ZC3H6: variants seen among roughly 807,000 people sequenced by gnomAD.
The protein encoded by ZC3H6 is zinc finger CCCH-type containing 6.
In ZC3H6, 40 loss-of-function variants were observed where a neutral mutation model predicts 107.7. That is an observed-to-expected ratio of 0.37 (90% CI 0.29 to 0.48). The LOEUF (loss-of-function observed/expected upper bound fraction) is 0.48, where lower values mean the gene tolerates loss of function less well. Among genes scored for constraint, ZC3H6 ranks in the 20% least tolerant of loss-of-function variants. The pLI is 0.98. For missense variants in ZC3H6, 1,267 were observed against 1,410.4 expected, an observed-to-expected ratio of 0.90 and a Z score of 1.63; for synonymous variants, 493 against 487.9, an observed-to-expected ratio of 1.01 and a Z score of -0.14.
intron 1 of ZC3H6, among the ~76,000 whole-genome samples, chr2:112,288,619 TTG>T (rs201765985): frequency 5.8e-3 from 890 of 152,194 alleles, no homozygotes; most frequent in African/African-American, 0.021. Context: ...TTCTAGAGCT[TTG>T]TGTTCTTCTA....
At chr2:112,312,511 T>G (rs1676611992) in intron 5 of ZC3H6, among the ~76,000 whole-genome samples, 1 of 152,218 alleles carries the variant, frequency 6.6e-6, no homozygotes, top group Admixed American at 6.5e-5. Context: ...ATTCCTGTGT[T>G]CTACTACTGT....
intron 5 of ZC3H6, among the ~76,000 whole-genome samples, chr2:112,313,941 T>G (rs1012797474): frequency 1.3e-5 from 2 of 152,192 alleles, no homozygotes; most frequent in South Asian, 4.1e-4. Flanking sequence ...TTTTAAAGGC[T>G]TCTTCATTTT....
At chr2:112,322,514 T>G (rs1676822839) in intron 8 of ZC3H6, 135 bp from the exon 9 acceptor site, 1 of 986,830 alleles carries the variant, frequency 1.0e-6, no homozygotes, top group Admixed American at 3.1e-5. Flanking sequence ...GTGTTGAGAT[T>G]AAAGGCGTGA....
chr2:112,331,466 C>G lies in ZC3H6; in HGVS notation c.2548C>G (p.Gln850Glu), dbSNP rs1677030401. 1 of 1,613,794 alleles carries G rather than the reference C, an allele frequency of 6.2e-7. No individual in the cohort carries two copies. ...GGATGCCTCACCTGGCATAATGCTC[C>G]AGGATCCAAGGTCACAATTGAGACA... ...PLDASPGIML[Q>E]DPRSQLRQFS... The change falls in exon 12 of 12, where the codon CAG (glutamine) becomes GAG (glutamate). Residue 850 changes from glutamine to glutamate, a missense_variant. By Grantham distance (29) the Gln-to-Glu change is conservative. Around this residue, in one of 3 missense-constraint regions of ZC3H6, gnomAD observed 925 missense variants for 1,025.7 expected, o/e 0.90. Coordinates refer to ENST00000409871, the MANE Select transcript of ZC3H6 (RefSeq NM_198581.3).
intron 1 of ZC3H6, among the ~76,000 whole-genome samples, chr2:112,288,404 G>A (rs150343734): frequency 1.3e-5 from 2 of 152,326 alleles, no homozygotes; most frequent in Non-Finnish European, 2.9e-5. Flanking sequence ...GGGAAAGGAA[G>A]CTTTCGTTGA....
chr2:112,279,673 A>G (rs2104690187), intron 1 of ZC3H6, among the ~76,000 whole-genome samples: 1 of 152,192 alleles, frequency 6.6e-6, no homozygotes, highest in South Asian at 2.1e-4. Flanking sequence ...AAGAGACTGC[A>G]CTGGAGAACC....
chr2:112,284,576 A>G (rs2104693474), intron 1 of ZC3H6, among the ~76,000 whole-genome samples: 2 of 151,378 alleles, frequency 1.3e-5, no homozygotes, highest in Middle Eastern at 6.8e-3. Flanking sequence ...GCCTGTTGCT[A>G]GATTGTTCCT....
Position 112,276,004 on chromosome 2 carries a change from T to C in ZC3H6, c.10T>C (p.Ser4Pro). 1 of 1,540,886 alleles carries C rather than the reference T, an allele frequency of 6.5e-7. No individual in the cohort carries two copies. The stretch of plus-strand genomic sequence containing the variant: ...CCGTTCTTGACCAAACATGACAGAC[T>C]CTGAACATGCAGGGCACGACAGGTC... MTD[S>P]EHAGHDREDG... Residue 4 changes from serine to proline, a missense_variant, in exon 1 of 12, where the codon TCT becomes CCT. Ser to Pro is a moderately conservative substitution (Grantham distance 74). Transcript: ENST00000409871.
rs1677132567 is a variant in ZC3H6, at chr2:112,336,112, C to T, written c.*3624C>T. 6.6e-6 allele frequency: 1 copy of T among 152,192 alleles called. No homozygotes were observed. The highest frequency in any genetic ancestry group is 2.1e-4 in the South Asian group (1 of 4,834). The allele number at this position is 152,192 out of a possible 1,614,324, so 9.4% of individuals were successfully genotyped here. A position where few individuals can be genotyped will look rare whatever the true frequency, so the allele number is the denominator to read the frequency against. On this transcript the variant is annotated 3_prime_UTR_variant, in exon 12 of 12. Coordinates refer to ENST00000409871, the MANE Select transcript of ZC3H6 (RefSeq NM_198581.3). ...GTCACACTGCGGTCTTCCTGAAAGA[C>T]TACTTACTTCATAAAGGTATTATGT...
chr2:112,292,958 A>G (rs531403052), intron 1 of ZC3H6, among the ~76,000 whole-genome samples: 2 of 152,346 alleles, frequency 1.3e-5, no homozygotes, highest in African/African-American at 4.8e-5. Flanking sequence ...TAACTCCAGT[A>G]TACCTGGAGT....
rs1677164344 is a variant in ZC3H6 at position 112,338,042 on chromosome 2, G to A, written c.*5554G>A. ...TTGGCTCACTGCAACCTCTGCCTCT[G>A]GGTTCAAGCAATTCTCCTGCCTCAG... On this transcript the variant is annotated 3_prime_UTR_variant, in exon 12 of 12. Transcript: ENST00000409871. The A allele has an allele frequency of 6.6e-6, 1 of 152,090 alleles. No homozygotes were observed. The highest frequency in any genetic ancestry group is 2.4e-5 in the African/African-American group (1 of 41,462). The allele number at this position is 152,090 out of a possible 1,614,324, so 9.4% of individuals were successfully genotyped here.
At chr2:112,304,016 A>T (rs960655976) in intron 3 of ZC3H6, among the ~76,000 whole-genome samples, 2 of 152,346 alleles carry the variant, frequency 1.3e-5, no homozygotes, top group Non-Finnish European at 1.5e-5. Flanking sequence ...ATTATTTACA[A>T]TGTTTACATA....
intron 8 of ZC3H6, among the ~76,000 whole-genome samples, chr2:112,322,126 T>G (rs893896306): frequency 2.0e-5 from 3 of 147,150 alleles, no homozygotes; most frequent in African/African-American, 5.0e-5. Context: ...CCTCCTTCCC[T>G]CCTTCCCTCC....
At chr2:112,291,764 G>A (rs550292552) in intron 1 of ZC3H6, among the ~76,000 whole-genome samples, 43 of 152,080 alleles carry the variant, frequency 2.8e-4, no homozygotes, top group Non-Finnish European at 5.1e-4. Flanking sequence ...TGTCGCCCAG[G>A]CCAGACTGCA....
At position 112,337,482 on chromosome 2, in the gene ZC3H6, C is replaced by G. The variant is rs1677152997; in HGVS notation, c.*4994C>G. On this transcript the variant is annotated 3_prime_UTR_variant, in exon 12 of 12. Coordinates refer to ENST00000409871, the MANE Select transcript of ZC3H6 (RefSeq NM_198581.3). Reference sequence around the variant, plus strand: ...GGCTTACAGGCACGTGCCACCACACCCAGCTAATTTATTGTATTTACTAGA... The same window carrying G: ...GGCTTACAGGCACGTGCCACCACACGCAGCTAATTTATTGTATTTACTAGA... The G allele has an allele frequency of 1.3e-5, 2 of 151,934 alleles. No homozygotes were observed. The highest frequency in any genetic ancestry group is 2.4e-5 in the African/African-American group (1 of 41,306). 9.4% of individuals were successfully genotyped at this position (151,934 alleles called of 1,614,324 possible).
Position 112,333,470 on chromosome 2 carries a change from C to T in ZC3H6, c.*982C>T, listed in dbSNP as rs1677077865. On this transcript the variant is annotated 3_prime_UTR_variant, in exon 12 of 12. Coordinates refer to ENST00000409871, the MANE Select transcript of ZC3H6 (RefSeq NM_198581.3). ...TGCTAGTATAGTCAACAGTATTTGGCTATCAATAAAGAATCTCTTTAAGAT... is the reference window on the plus strand; with the variant it reads ...TGCTAGTATAGTCAACAGTATTTGGTTATCAATAAAGAATCTCTTTAAGAT... 6.6e-6 allele frequency: 1 copy of T among 152,356 alleles called. No individual in the cohort carries two copies. Among genetic ancestry groups the T allele is most frequent in the Non-Finnish European group, 1.5e-5 (1 of 67,954 alleles). The allele number at this position is 152,356 out of a possible 1,614,324, so 9.4% of individuals were successfully genotyped here.
intron 2 of ZC3H6, 39 bp downstream of exon 2, chr2:112,300,068 T>G (rs1676339043): frequency 8.0e-7 from 1 of 1,252,012 alleles, no homozygotes; most frequent in Non-Finnish European, 1.0e-6. Context: ...TGATAAATGT[T>G]TATGAAATAT....
chr2:112,337,884 A>G lies in ZC3H6; in HGVS notation c.*5396A>G, dbSNP rs999481763. 6.6e-6 allele frequency: 1 copy of G among 152,152 alleles called. No individual in the cohort carries two copies. The highest frequency in any genetic ancestry group is 2.4e-5 in the African/African-American group (1 of 41,414). The allele number at this position is 152,152 out of a possible 1,614,324, so 9.4% of individuals were successfully genotyped here. ...TGATCCACCAGTCTTGGCCTCTCAA[A>G]GTGCTGGGATCACAGGCATGAGCCA... is the stretch of plus-strand genomic sequence containing the variant. On this transcript the variant is annotated 3_prime_UTR_variant, in exon 12 of 12. Coordinates refer to ENST00000409871, the MANE Select transcript of ZC3H6 (RefSeq NM_198581.3).
intron 1 of ZC3H6, among the ~76,000 whole-genome samples, chr2:112,279,645 A>G (rs1686492943): frequency 6.6e-6 from 1 of 152,070 alleles, no homozygotes; most frequent in Non-Finnish European, 1.5e-5. Context: ...GGCCCCCCAT[A>G]TAGATTGAAA....
Sources: gnomAD v4.1 joint callset for allele counts (sites outside exome capture counted in the v4.1 genomes callset) on GRCh38, gnomAD v4.1.1 for gene constraint, gnomAD v4.1.1 regional missense constraint, MANE v1.5 for transcripts, NCBI Gene and HGNC (gene_info 2026-07-23, HGNC 2026-07-21) for gene names.